Variants in PLXNB2 observed in about 807,000 individuals in gnomAD.
PLXNB2 encodes the protein plexin-B2.
A neutral mutation model predicts 202.6 loss-of-function variants in PLXNB2; 85 were observed. The ratio of observed to expected loss-of-function variants is 0.42; its 90% CI spans 0.35 to 0.50. The LOEUF (loss-of-function observed/expected upper bound fraction) is 0.50, where lower values mean the gene tolerates loss of function less well. PLXNB2 is among the 20% of genes least tolerant of loss of function. PLXNB2 has a pLI of 0.02. For missense variants in PLXNB2, 2,063 were observed against 2,586.2 expected (o/e 0.80, Z 4.39); for synonymous variants, 1,239 against 1,137.6 (o/e 1.09, Z -1.79).
rs556057847 is a variant in PLXNB2, at chr22:50,284,739, C to T, written c.2089-74G>A. Reference sequence around the variant, plus strand: ...GCCCTCCTCCCAGAACCCCTGCAGCCCCTCCTCTGTGCCTACAGTGTGGGA... The same window carrying T: ...GCCCTCCTCCCAGAACCCCTGCAGCTCCTCCTCTGTGCCTACAGTGTGGGA... On this transcript the variant is annotated intron_variant, in intron 11 of 36. Coordinates refer to ENST00000359337, the MANE Select transcript of PLXNB2 (RefSeq NM_012401.4). This position sits in a 1 kb window ranked among gnomAD's most constrained non-coding sequence, Gnocchi z 8.0. 8 of 1,114,490 alleles carry T rather than the reference C, an allele frequency of 7.2e-6. No homozygotes were observed. The African/African-American group carries it at 7.6e-5, about 11-fold the overall frequency. 69.0% of individuals were successfully genotyped at this position (1,114,490 alleles called of 1,614,324 possible).
At position 50,282,814 on chromosome 22, in the gene PLXNB2, C is replaced by T; in HGVS notation, c.2884G>A (p.Glu962Lys). ...ACGGGGGACCCCCCGTAGGAGACCT[C>T]CAGAAGCATCTGGCCCCGTGTCGCC... ...PQATRGQMLL[E>K]VSYGGSPVPN... Residue 962 changes from glutamate to lysine, a missense_variant, in exon 18 of 37, where the codon GAG becomes AAG. Transcript: ENST00000359337. The T allele has an allele frequency of 2.5e-6, 4 of 1,612,982 alleles. No homozygotes were observed. Among genetic ancestry groups the T allele is most frequent in the Non-Finnish European group, 8.5e-7 (1 of 1,179,716 alleles).
In PLXNB2 at chr22:50,289,028, C is replaced by G. The variant is rs767458963; in HGVS notation, c.1183G>C (p.Val395Leu). Residue 395 changes from valine (V) to leucine (L), a missense_variant, in exon 4 of 37, where the codon GTG (valine) becomes CTG (leucine). By Grantham distance (32) the Val-to-Leu change is conservative. Around this residue, in one of 2 missense-constraint regions of PLXNB2, gnomAD observed 1,303 missense variants for 1,476.8 expected, o/e 0.88. Transcript: ENST00000359337. The surrounding 1 kb of genome is among the most constrained non-coding windows in gnomAD (Gnocchi z 8.0). ...LQRGGLNLTA[V>L]TVAAENNHTV... ...TGGTTGTTCTCGGCGGCGACCGTCA[C>G]GGCCGTGAGGTTCAGGCCTCCACGC... 1 of 1,610,144 alleles carries G rather than the reference C, an allele frequency of 6.2e-7. No individual in the cohort carries two copies. Among genetic ancestry groups the G allele is most frequent in the South Asian group, 1.1e-5 (1 of 91,016 alleles).
At position 50,290,262 on chromosome 22, in the gene PLXNB2, C is replaced by T. The variant is rs770869553; in HGVS notation, c.323G>A (p.Arg108His). ...GAAGAGGCTGCCGCACTCCACCAGG[C>T]GCTTCCTGGGAGGGTCGAGCAGCAG... ...QLLLLDPPRK[R>H]LVECGSLFKG... The change falls in exon 3 of 37, where the codon CGC becomes CAC. Residue 108 changes from arginine (R) to histidine (H), a missense_variant. By Grantham distance (29) the Arg-to-His change is conservative. Coordinates refer to ENST00000359337, the MANE Select transcript of PLXNB2 (RefSeq NM_012401.4). 2.4e-5 allele frequency: 39 copies of T among 1,611,620 alleles called. No individual in the cohort carries two copies. The highest frequency in any genetic ancestry group is 1.6e-4 in the Middle Eastern group (1 of 6,084).
chr22:50,281,379 C>T lies in PLXNB2; in HGVS notation c.3643G>A (p.Val1215Met), dbSNP rs760225048. 2.4e-5 allele frequency: 39 copies of T among 1,612,068 alleles called. No homozygotes were observed. In the Admixed American group the frequency reaches 6.0e-4, roughly 25 times the overall value. ...GCTCACCAGTAGCAGTAGACAGACACCGCGATGACGACCACCATGGGCACG... is the reference window on the plus strand; with the variant it reads ...GCTCACCAGTAGCAGTAGACAGACATCGCGATGACGACCACCATGGGCACG... ...VIVPMVVVIA[V>M]SVYCYWRKSQ... The change falls in exon 22 of 37, where the codon GTG becomes ATG. Residue 1215 changes from valine to methionine, a missense_variant. Around this residue, in one of 2 missense-constraint regions of PLXNB2, gnomAD observed 760 missense variants for 1,109.4 expected, o/e 0.69. Coordinates refer to ENST00000359337, the MANE Select transcript of PLXNB2 (RefSeq NM_012401.4).
Position 50,278,639 on chromosome 22 carries a change from C to T in PLXNB2, c.4604G>A (p.Arg1535Gln), listed in dbSNP as rs765375689. 6.2e-6 allele frequency: 10 copies of T among 1,612,926 alleles called. No homozygotes were observed. Among genetic ancestry groups the T allele is most frequent in the Middle Eastern group, 1.6e-4 (1 of 6,082 alleles). ...GTTGACGCGCTTCCACCGGCCCTCC[C>T]GCTGTGACGTCAGGTCCAGGTCCGA... ...ILSDLDLTSQ[R>Q]EGRWKRVNTL... The change falls in exon 29 of 37, where the codon CGG becomes CAG. Residue 1535 changes from arginine (R) to glutamine (Q), a missense_variant. Physicochemically the swap from Arg to Gln is conservative, Grantham distance 43 (BLOSUM62 1). This residue lies in a region of PLXNB2 where 760 missense variants were observed against 1,109.4 expected (regional missense o/e 0.69). Coordinates refer to ENST00000359337, the MANE Select transcript of PLXNB2 (RefSeq NM_012401.4).
At position 50,280,734 on chromosome 22, in the gene PLXNB2, C is replaced by CCCGG; in HGVS notation, c.3993+9_3993+10insCCGG. ...TGTGTGCCCTCCCGCCCGCCCGACGCCTGGCTCACATTGATGAGGAAAGAC... is the reference window on the plus strand; with the variant it reads ...TGTGTGCCCTCCCGCCCGCCCGACGCCCGGCTGGCTCACATTGATGAGGAAAGAC... On this transcript the variant is annotated intron_variant, in intron 24 of 36. Coordinates refer to ENST00000359337, the MANE Select transcript of PLXNB2 (RefSeq NM_012401.4). 1 of 1,593,834 alleles carries CCCGG rather than the reference C, an allele frequency of 6.3e-7. No individual in the cohort carries two copies. Among genetic ancestry groups the CCCGG allele is most frequent in the Non-Finnish European group, 8.5e-7 (1 of 1,169,974 alleles).
chr22:50,299,246 T>C (rs542806926), intron 1 of PLXNB2, among the ~76,000 whole-genome samples: 3 of 134,144 alleles, frequency 2.2e-5, no homozygotes, highest in Non-Finnish European at 4.6e-5. Flanking sequence ...GTCCTAGGGC[T>C]GTGCGGCCCT....
chr22:50,289,477 C>T lies in PLXNB2; in HGVS notation c.1068+40G>A. 6.5e-7 allele frequency: 1 copy of T among 1,545,488 alleles called. No homozygotes were observed. The highest frequency in any genetic ancestry group is 8.7e-7 in the Non-Finnish European group (1 of 1,142,868). On this transcript the variant is annotated intron_variant, in intron 3 of 36. Transcript: ENST00000359337. This position sits in a 1 kb window ranked among gnomAD's most constrained non-coding sequence, Gnocchi z 8.0. ...GACACGCAAACCCACGAACGGACGC[C>T]TGCAGTCCGGGCCCTGCGAGAACAC...
rs369536890 is a variant in PLXNB2, at chr22:50,284,117, G to A, written c.2263+15C>T. On this transcript the variant is annotated intron_variant, in intron 13 of 36. Coordinates refer to ENST00000359337, the MANE Select transcript of PLXNB2 (RefSeq NM_012401.4). This position sits in a 1 kb window ranked among gnomAD's most constrained non-coding sequence, Gnocchi z 8.0. Reference sequence around the variant, plus strand: ...CCGTCCCCTGCCCGCCCCCCACTGCGCCCGTGGCCCCCACCATGGAGCTTG... The same window carrying A: ...CCGTCCCCTGCCCGCCCCCCACTGCACCCGTGGCCCCCACCATGGAGCTTG... 1.3e-4 allele frequency: 202 copies of A among 1,506,044 alleles called. 1 individual carries two copies. In the African/African-American group the frequency reaches 2.0e-3, roughly 15 times the overall value. 93.3% of individuals were successfully genotyped at this position (1,506,044 alleles called of 1,614,324 possible).
intron 1 of PLXNB2, among the ~76,000 whole-genome samples, chr22:50,300,083 C>A (rs2067583515): frequency 6.6e-6 from 1 of 152,064 alleles, no homozygotes; most frequent in Non-Finnish European, 1.5e-5. Flanking sequence ...CCCGCGCCCT[C>A]CCGGGGACTC....
chr22:50,289,494 C>A lies in PLXNB2; in HGVS notation c.1068+23G>T. On this transcript the variant is annotated intron_variant, in intron 3 of 36. Transcript: ENST00000359337. This position sits in a 1 kb window ranked among gnomAD's most constrained non-coding sequence, Gnocchi z 8.0. ...ACGGACGCCTGCAGTCCGGGCCCTG[C>A]GAGAACACACTGAGGCCCATACCGG... 2 of 1,582,128 alleles carry A rather than the reference C, an allele frequency of 1.3e-6. No homozygotes were observed. The highest frequency in any genetic ancestry group is 1.1e-5 in the South Asian group (1 of 88,504).
intron 8 of PLXNB2, 75 bp from the exon 9 acceptor site, chr22:50,286,362 T>C: frequency 1.9e-6 from 2 of 1,065,410 alleles, no homozygotes; most frequent in East Asian, 2.4e-5. Flanking sequence ...CCCCTGGGGC[T>C]GACTCCTGGG....
chr22:50,287,917 G>C lies in PLXNB2; in HGVS notation c.1481+20C>G. The C allele has an allele frequency of 6.3e-7, 1 of 1,581,782 alleles. No individual in the cohort carries two copies. The highest frequency in any genetic ancestry group is 1.8e-5 in the Admixed American group (1 of 55,614). Reference sequence around the variant, plus strand: ...GATCCCAGAGGCAGGCCGTGTCCCCGAGCCACCCCAGGCACTCACCGTCCC... The same window carrying C: ...GATCCCAGAGGCAGGCCGTGTCCCCCAGCCACCCCAGGCACTCACCGTCCC... On this transcript the variant is annotated intron_variant, in intron 6 of 36. Transcript: ENST00000359337.
Position 50,290,159 on chromosome 22 carries a change from A to C in PLXNB2, c.426T>G (p.Ser142=). Residue 142 remains serine, a synonymous_variant, in exon 3 of 37, where the codon TCT becomes TCG. Transcript: ENST00000359337. ...CGCCCTCATCATTGCTGGCCACGAA[A>C]GACTTCTCCCCGCTGCCGTCCTCGT... ...LFYEDGSGEK[S]FVASNDEGVA... 6.2e-7 allele frequency: 1 copy of C among 1,612,964 alleles called. No homozygotes were observed. The highest frequency in any genetic ancestry group is 8.5e-7 in the Non-Finnish European group (1 of 1,179,994).
chr22:50,279,142 G>A lies in PLXNB2; in HGVS notation c.4390-131C>T, dbSNP rs879079857. On this transcript the variant is annotated intron_variant, in intron 27 of 36. Transcript: ENST00000359337. ...TTGGGCAGCAGGCCCCCGCCAGCCCGGCTCCGAGCCCCCGAGGCTTCCCAG... is the reference window on the plus strand; with the variant it reads ...TTGGGCAGCAGGCCCCCGCCAGCCCAGCTCCGAGCCCCCGAGGCTTCCCAG... The A allele has an allele frequency of 5.4e-5, 50 of 924,314 alleles. No homozygotes were observed. The South Asian group carries it at 6.7e-4, about 12-fold the overall frequency. The allele number at this position is 924,314 out of a possible 1,614,324, so 57.3% of individuals were successfully genotyped here. A position where few individuals can be genotyped will look rare whatever the true frequency, so the allele number is the denominator to read the frequency against.
At chr22:50,303,635 C>T (rs1293525037) in intron 1 of PLXNB2, among the ~76,000 whole-genome samples, 3 of 152,242 alleles carry the variant, frequency 2.0e-5, no homozygotes, top group African/African-American at 4.8e-5. Context: ...GCGCTTGCTG[C>T]GGGACTCAGC....
chr22:50,286,319 G>A (rs778971840), intron 8 of PLXNB2, 32 bp from the exon 9 acceptor site: 47 of 1,527,778 alleles, frequency 3.1e-5, no homozygotes, highest in Non-Finnish European at 3.8e-5. Flanking sequence ...GTGTCAAGGT[G>A]GCGGCCGCAG....
intron 1 of PLXNB2, chr22:50,301,346 C>T: frequency 1.0e-6 from 1 of 975,318 alleles, no homozygotes; most frequent in Non-Finnish European, 1.2e-6. Flanking sequence ...AATGAACCTA[C>T]CGATGTCTCC....
chr22:50,287,951 G>A lies in PLXNB2; in HGVS notation c.1467C>T (p.Cys489=), dbSNP rs780676779. 6.9e-6 allele frequency: 11 copies of A among 1,584,642 alleles called. No individual in the cohort carries two copies. In the East Asian group the frequency reaches 7.0e-5, roughly 10 times the overall value. The part of the protein sequence containing the change: ...RDSQDPYCGW[C]VVEGRCTRKA... ...CAGGCACTCACCGTCCCTCGACGAC[G>A]CACCAGCCGCAGTAGGGGTCCTGGG... The change falls in exon 6 of 37, where the codon TGC becomes TGT. Residue 489 remains cysteine, a synonymous_variant. Transcript: ENST00000359337.
Sources: gnomAD v4.1 joint callset for allele counts (sites outside exome capture counted in the v4.1 genomes callset) on GRCh38, gnomAD v4.1.1 for gene constraint, gnomAD v4.1.1 regional missense constraint, Gnocchi (gnomAD v3.1) non-coding constraint, MANE v1.5 for transcripts, NCBI Gene and HGNC (gene_info 2026-07-23, HGNC 2026-07-21) for gene names.